Variants in GINS1 observed in about 807,000 individuals in gnomAD.
GINS1 encodes DNA replication complex GINS protein PSF1.
In GINS1, 26 loss-of-function variants were observed where a neutral mutation model predicts 34.9. That is an observed-to-expected ratio of 0.74 (90% CI 0.55 to 1.03). GINS1 has a LOEUF of 1.03. GINS1 is among the 50% of genes least tolerant of loss of function. GINS1 has a pLI of 0.00. For missense variants in GINS1, 235 were observed against 237.9 expected, an observed-to-expected ratio of 0.99 and a Z score of 0.08; for synonymous variants, 97 against 84.4, an observed-to-expected ratio of 1.15 and a Z score of -0.82.
chr20:25,438,381 G>A (rs1418063400), intron 5 of GINS1, among the ~76,000 whole-genome samples: 2 of 152,058 alleles, frequency 1.3e-5, no homozygotes, highest in East Asian at 1.9e-4. Flanking sequence ...GGATATGGGG[G>A]CCAATTTGAA....
intron 1 of GINS1, among the ~76,000 whole-genome samples, chr20:25,413,277 G>C (rs2090298292): frequency 6.6e-6 from 1 of 152,026 alleles, no homozygotes; most frequent in African/African-American, 2.4e-5. Context: ...TTGAACTTCT[G>C]ACCTCAGGTG....
chr20:25,408,135 A>C (rs1399870218), intron 1 of GINS1, among the ~76,000 whole-genome samples: 2 of 152,208 alleles, frequency 1.3e-5, no homozygotes, highest in Non-Finnish European at 2.9e-5. Context: ...CCTTGGACAG[A>C]TTTGTTCCGG....
At chr20:25,423,628 TTC>T (rs1231563823) in intron 4 of GINS1, among the ~76,000 whole-genome samples, 5,920 of 37,722 alleles carry the variant, frequency 0.16, 596 homozygotes, top group African/African-American at 0.41. Flanking sequence ...TTTTTTTTTT[TTC>T]CGAGACGGAG....
At chr20:25,430,069 C>G (rs974552572) in intron 5 of GINS1, among the ~76,000 whole-genome samples, 2 of 152,160 alleles carry the variant, frequency 1.3e-5, no homozygotes, top group African/African-American at 4.8e-5. Context: ...CATGCCATCA[C>G]GCCCAGCTAA....
At chr20:25,414,051 G>A (rs2090304710) in intron 2 of GINS1, among the ~76,000 whole-genome samples, 197 bp downstream of exon 2, 1 of 151,968 alleles carries the variant, frequency 6.6e-6, no homozygotes, top group African/African-American at 2.4e-5. Context: ...TTAACCGGGT[G>A]TGGTAGTGGG....
At chr20:25,433,663 T>G (rs1033144450) in intron 5 of GINS1, among the ~76,000 whole-genome samples, 2 of 152,214 alleles carry the variant, frequency 1.3e-5, no homozygotes, top group Non-Finnish European at 2.9e-5. Flanking sequence ...ATAGCTGTTT[T>G]CCTTGTGGTT....
At chr20:25,410,396 A>G (rs2090276587) in intron 1 of GINS1, among the ~76,000 whole-genome samples, 1 of 151,752 alleles carries the variant, frequency 6.6e-6, no homozygotes, top group African/African-American at 2.4e-5. Flanking sequence ...TTGGTGGAGC[A>G]CCTTTTGTCT....
At chr20:25,421,475 A>T (rs1474543817) in intron 4 of GINS1, among the ~76,000 whole-genome samples, 2 of 152,244 alleles carry the variant, frequency 1.3e-5, no homozygotes, top group Non-Finnish European at 2.9e-5. Flanking sequence ...AAGTAGTAAC[A>T]TCTTTTGTTT....
At chr20:25,407,947 C>G (rs757469922) in intron 1 of GINS1, 52 bp downstream of exon 1, 1 of 1,354,998 alleles carries the variant, frequency 7.4e-7, no homozygotes, top group Non-Finnish European at 1.1e-6. Context: ...GCCCTGGGCT[C>G]TGGGGCGGGG....
intron 6 of GINS1, among the ~76,000 whole-genome samples, chr20:25,443,431 T>C (rs1600946815): frequency 6.6e-6 from 1 of 151,664 alleles, no homozygotes; most frequent in Non-Finnish European, 1.5e-5. Flanking sequence ...AAGCAAGATA[T>C]GTGAAATGTC....
At chr20:25,443,996 C>CTATCTATG (rs1317718324) in intron 6 of GINS1, among the ~76,000 whole-genome samples, 2 of 151,360 alleles carry the variant, frequency 1.3e-5, no homozygotes, top group African/African-American at 4.9e-5. Flanking sequence ...ATCTATCTAT[C>CTATCTATG]TATCTATCTA....
At chr20:25,442,103 G>A (rs1460984505) in intron 6 of GINS1, among the ~76,000 whole-genome samples, 1 of 152,058 alleles carries the variant, frequency 6.6e-6, no homozygotes, top group African/African-American at 2.4e-5. Flanking sequence ...TAGCTCCTTT[G>A]TTCATATAAT....
At chr20:25,408,883 C>T (rs1327537404) in intron 1 of GINS1, 5 of 977,342 alleles carry the variant, frequency 5.1e-6, no homozygotes, top group East Asian at 2.3e-4. Context: ...ATAGAGCAGG[C>T]ATTATGTGGA....
chr20:25,409,460 G>C (rs1014132554), intron 1 of GINS1, among the ~76,000 whole-genome samples: 1 of 152,162 alleles, frequency 6.6e-6, no homozygotes, highest in Non-Finnish European at 1.5e-5. Flanking sequence ...ATTAGAGCAG[G>C]GGCAGAGATG....
At position 25,407,796 on chromosome 20, in the gene GINS1, G is replaced by T. The variant is rs746839501; in HGVS notation, c.-25G>T. On this transcript the variant is annotated 5_prime_UTR_variant, in exon 1 of 7. Transcript: ENST00000262460. ...GGCGTGAGAGCTGGTGGTTGGCAAGGCCGCGGGAGTGGGAAGCGTCCGCCA... is the reference window on the plus strand; with the variant it reads ...GGCGTGAGAGCTGGTGGTTGGCAAGTCCGCGGGAGTGGGAAGCGTCCGCCA... 2 of 1,601,570 alleles carry T rather than the reference G, an allele frequency of 1.2e-6. No homozygotes were observed. Among genetic ancestry groups the T allele is most frequent in the African/African-American group, 1.4e-5 (1 of 71,544 alleles).
In GINS1 at chr20:25,411,687, A is replaced by C. The variant is rs2090286031; in HGVS notation, c.76-2103A>C. Among the ~76,000 whole-genome samples, 3 of 152,088 alleles carry C rather than the reference A, an allele frequency of 2.0e-5. No homozygotes were observed. In the South Asian group the frequency reaches 6.2e-4, roughly 32 times the overall value. The stretch of plus-strand genomic sequence containing the variant: ...GCCAGACTTGGTGGCTTACACCTGT[A>C]ATCCTAGCACTTTGGGAGGCTGAGG... On this transcript the variant is annotated intron_variant, in intron 1 of 6. Transcript: ENST00000262460.
At chr20:25,438,119 CAAAAAAAAA>C (rs34107871) in intron 5 of GINS1, among the ~76,000 whole-genome samples, 1 of 98,292 alleles carries the variant, frequency 1.0e-5, no homozygotes, top group African/African-American at 4.0e-5. Context: ...AACTCCGTCT[CAAAAAAAAA>C]AAAAAAAAAG....
At chr20:25,420,128 A>G (rs1052090149) in intron 4 of GINS1, among the ~76,000 whole-genome samples, 1 of 151,488 alleles carries the variant, frequency 6.6e-6, no homozygotes. Context: ...GTTAACAGCA[A>G]ATAAAATATA....
chr20:25,441,824 A>G (rs1237169258), intron 6 of GINS1, 48 bp downstream of exon 6: 2 of 948,348 alleles, frequency 2.1e-6, no homozygotes, highest in Admixed American at 2.3e-5. Context: ...TGAGTGTTGT[A>G]TGGTGGAAAA....
Sources: allele counts gnomAD v4.1 joint callset (sites outside exome capture counted in the v4.1 genomes callset), GRCh38; gene constraint gnomAD v4.1.1; transcripts MANE v1.5; gene names NCBI Gene and HGNC (gene_info 2026-07-23, HGNC 2026-07-21).